RASAL2: variants seen among roughly 807,000 people sequenced by gnomAD.
RASAL2 encodes ras GTPase-activating protein nGAP.
Under a neutral mutation model 128.9 loss-of-function variants are expected in RASAL2, and 58 were observed. The ratio of observed to expected loss-of-function variants is 0.45; its 90% confidence interval spans 0.36 to 0.56. RASAL2 has a LOEUF of 0.56. RASAL2 is among the 20% of genes least tolerant of loss of function. RASAL2 has a pLI of 0.00. For missense variants in RASAL2, 1,360 were observed against 1,601.6 expected, an observed-to-expected ratio of 0.85 and a Z score of 2.57; for synonymous variants, 561 against 580.8, an observed-to-expected ratio of 0.97 and a Z score of 0.49.
chr1:178,169,509 A>G (rs1376380534), intron 1 of RASAL2, among the ~76,000 whole-genome samples: 1 of 152,152 alleles, frequency 6.6e-6, no homozygotes, highest in Non-Finnish European at 1.5e-5. Flanking sequence ...TGGGTATGTC[A>G]TAAGGATGCT....
intron 4 of RASAL2, among the ~76,000 whole-genome samples, chr1:178,412,402 C>A (rs1284149656): frequency 6.6e-6 from 1 of 152,084 alleles, no homozygotes; most frequent in Admixed American, 6.5e-5. Context: ...TCCTGGGTAC[C>A]ACTGAATATT....
intron 15 of RASAL2, 39 bp from the exon 16 acceptor site, chr1:178,465,881 G>A (rs1014849334): frequency 7.2e-7 from 1 of 1,387,100 alleles, no homozygotes; most frequent in African/African-American, 1.5e-5. Flanking sequence ...TAAAAGCAAT[G>A]TGACTCTAGT....
chr1:178,411,673 G>A, intron 4 of RASAL2: 1 of 821,784 alleles, frequency 1.2e-6, no homozygotes, highest in Non-Finnish European at 2.2e-6. Flanking sequence ...AACCTTCAGT[G>A]ACACTTTTGT....
intron 3 of RASAL2, among the ~76,000 whole-genome samples, chr1:178,338,466 T>C (rs955767976): frequency 6.6e-6 from 1 of 152,152 alleles, no homozygotes; most frequent in Non-Finnish European, 1.5e-5. Context: ...CATATTGAAT[T>C]GTATACCTGA....
chr1:178,320,316 C>T (rs1397227103), intron 3 of RASAL2, among the ~76,000 whole-genome samples: 1 of 152,242 alleles, frequency 6.6e-6, no homozygotes, highest in Non-Finnish European at 1.5e-5. Context: ...CTGTGGTGGG[C>T]TCCACCCAGT....
intron 1 of RASAL2, among the ~76,000 whole-genome samples, chr1:178,207,989 C>T (rs1270922725): frequency 6.6e-6 from 1 of 152,162 alleles, no homozygotes; most frequent in African/African-American, 2.4e-5. Flanking sequence ...TTTATCAGTT[C>T]CCAAATAATA....
intron 1 of RASAL2, among the ~76,000 whole-genome samples, chr1:178,160,832 C>T (rs1661262914): frequency 1.3e-5 from 2 of 152,146 alleles, no homozygotes; most frequent in South Asian, 4.1e-4. Flanking sequence ...GAGTAGTAAG[C>T]AGGCTTCTTT....
chr1:178,159,126 G>A (rs1272165003), intron 1 of RASAL2, among the ~76,000 whole-genome samples: 2 of 152,142 alleles, frequency 1.3e-5, no homozygotes, highest in African/African-American at 2.4e-5. Flanking sequence ...AAATAAAATA[G>A]TCTTAAAAGT....
At chr1:178,094,758 C>A in intron 1 of RASAL2, 64 bp downstream of exon 1, 1 of 1,580,356 alleles carries the variant, frequency 6.3e-7, no homozygotes. Flanking sequence ...GAAATTCATT[C>A]CCTAAGTCAC....
intron 17 of RASAL2, among the ~76,000 whole-genome samples, chr1:178,471,334 C>T (rs1203991962): frequency 6.6e-6 from 1 of 152,066 alleles, no homozygotes; most frequent in African/African-American, 2.4e-5. Context: ...CTGGCCAGTT[C>T]TTACCTATTG....
At chr1:178,207,217 G>A (rs985635709) in intron 1 of RASAL2, among the ~76,000 whole-genome samples, 10 of 151,150 alleles carry the variant, frequency 6.6e-5, no homozygotes, top group African/African-American at 1.9e-4. Context: ...CTGATGTTAT[G>A]TAAAAAGAAA....
chr1:178,279,702 CAT>C (rs1385153254), intron 1 of RASAL2, among the ~76,000 whole-genome samples: 8 of 152,086 alleles, frequency 5.3e-5, no homozygotes, highest in Non-Finnish European at 1.2e-4. Context: ...AAAAGGAAGA[CAT>C]AAACTTATCA....
intron 12 of RASAL2, among the ~76,000 whole-genome samples, chr1:178,454,991 A>G (rs1159952568): frequency 2.0e-5 from 3 of 152,170 alleles, no homozygotes; most frequent in African/African-American, 7.2e-5. Context: ...ATGAAACCTC[A>G]TATAGTAATT....
chr1:178,227,558 A>G (rs1180141943), intron 1 of RASAL2, among the ~76,000 whole-genome samples: 1 of 152,192 alleles, frequency 6.6e-6, no homozygotes, highest in Non-Finnish European at 1.5e-5. Flanking sequence ...AAGTTCCAGG[A>G]AGACAGGGAC....
Position 178,299,987 on chromosome 1 carries a change from A to G in RASAL2, c.331-5A>G. On this transcript the variant is annotated splice_region_variant and splice_polypyrimidine_tract_variant and intron_variant, in intron 2 of 17. Coordinates refer to ENST00000367649, the MANE Select transcript of RASAL2 (RefSeq NM_170692.4). The stretch of plus-strand genomic sequence containing the variant: ...AAGTTTTATCTTTTGCTTTTGATTA[A>G]CTAGATACCTGTGGAAGGGGGACAG... 2 of 1,611,376 alleles carry G rather than the reference A, an allele frequency of 1.2e-6. No homozygotes were observed. The highest frequency in any genetic ancestry group is 1.7e-6 in the Non-Finnish European group (2 of 1,179,322).
intron 1 of RASAL2, among the ~76,000 whole-genome samples, chr1:178,208,357 G>A (rs894189506): frequency 1.3e-5 from 2 of 152,142 alleles, no homozygotes; most frequent in African/African-American, 4.8e-5. Context: ...GGAAAGGAAT[G>A]CATTCCTTGG....
At chr1:178,250,511 G>C (rs1463841035) in intron 1 of RASAL2, among the ~76,000 whole-genome samples, 1 of 152,212 alleles carries the variant, frequency 6.6e-6, no homozygotes, top group East Asian at 1.9e-4. Flanking sequence ...TTGCTGAGCT[G>C]TTTGGGAGTG....
intron 1 of RASAL2, among the ~76,000 whole-genome samples, chr1:178,259,344 G>A (rs1665546717): frequency 1.3e-5 from 2 of 151,834 alleles, no homozygotes; most frequent in African/African-American, 4.8e-5. Flanking sequence ...TGTTAGCCAG[G>A]ATGGTCTCGA....
At chr1:178,303,747 C>CT (rs1345185135) in intron 3 of RASAL2, among the ~76,000 whole-genome samples, 9 of 151,804 alleles carry the variant, frequency 5.9e-5, no homozygotes, top group African/African-American at 2.2e-4. Flanking sequence ...GAACAAAGGG[C>CT]TTTTATCTAG....
Sources: gnomAD v4.1 joint callset for allele counts (sites outside exome capture counted in the v4.1 genomes callset) on GRCh38, gnomAD v4.1.1 for gene constraint, MANE v1.5 for transcripts, NCBI Gene and HGNC (gene_info 2026-07-23, HGNC 2026-07-21) for gene names.